Variants in SORCS1 observed in about 807,000 individuals in gnomAD.
SORCS1 encodes VPS10 domain-containing receptor SorCS1.
A neutral mutation model predicts 146.1 loss-of-function variants in SORCS1; 60 were observed. That is an observed-to-expected ratio of 0.41 (90% CI 0.33 to 0.51). The LOEUF (loss-of-function observed/expected upper bound fraction) is 0.51, where lower values mean the gene tolerates loss of function less well. SORCS1 is among the 20% of genes least tolerant of loss of function. SORCS1 has a pLI of 0.21. For missense variants in SORCS1, 1,352 were observed against 1,487.6 expected, an observed-to-expected ratio of 0.91 and a Z score of 1.50; for synonymous variants, 637 against 584.0, an observed-to-expected ratio of 1.09 and a Z score of -1.31.
At chr10:107,136,780 G>A (rs949718047) in intron 1 of SORCS1, among the ~76,000 whole-genome samples, 2 of 152,120 alleles carry the variant, frequency 1.3e-5, no homozygotes, top group African/African-American at 2.4e-5. Flanking sequence ...TCAAGCACAC[G>A]CTATGTGATC....
intron 1 of SORCS1, among the ~76,000 whole-genome samples, chr10:107,030,437 G>A (rs1174741157): frequency 3.3e-5 from 5 of 152,108 alleles, no homozygotes; most frequent in African/African-American, 9.7e-5. Context: ...ACTTCTCTAC[G>A]CTTTTGCCTG....
intron 18 of SORCS1, among the ~76,000 whole-genome samples, chr10:106,642,159 T>C (rs1163074949): frequency 1.3e-5 from 2 of 152,176 alleles, no homozygotes; most frequent in African/African-American, 4.8e-5. Flanking sequence ...AAAAGAGGCT[T>C]AGATCAGTCC....
intron 1 of SORCS1, among the ~76,000 whole-genome samples, chr10:107,065,461 TC>T (rs1425146425): frequency 3.4e-4 from 44 of 130,166 alleles, no homozygotes; most frequent in South Asian, 5.8e-4. Flanking sequence ...TCTCTCTTTC[TC>T]TCTCCCTCTC....
chr10:106,907,803 T>C (rs2138173198), intron 2 of SORCS1, among the ~76,000 whole-genome samples: 2 of 151,874 alleles, frequency 1.3e-5, no homozygotes, highest in East Asian at 3.9e-4. Flanking sequence ...GGTGCGCACC[T>C]ATAGTCCCAG....
At chr10:107,160,003 T>C (rs1393332007) in intron 1 of SORCS1, among the ~76,000 whole-genome samples, 1 of 152,178 alleles carries the variant, frequency 6.6e-6, no homozygotes, top group Non-Finnish European at 1.5e-5. Flanking sequence ...GCTCACTGAA[T>C]CACCAGGTGC....
intron 4 of SORCS1, among the ~76,000 whole-genome samples, chr10:106,764,423 C>A (rs1157068592): frequency 6.6e-6 from 1 of 152,196 alleles, no homozygotes; most frequent in Non-Finnish European, 1.5e-5. Flanking sequence ...CTGTCTCAGC[C>A]ACCAGCGGAA....
intron 1 of SORCS1, among the ~76,000 whole-genome samples, chr10:107,059,926 G>A (rs1423906935): frequency 6.6e-6 from 1 of 151,314 alleles, no homozygotes. Context: ...GAGAGTAGAC[G>A]TTCTACTAAA....
intron 1 of SORCS1, among the ~76,000 whole-genome samples, chr10:106,984,462 C>T (rs1003914247): frequency 4.1e-4 from 60 of 147,230 alleles, no homozygotes; most frequent in African/African-American, 1.4e-3. Flanking sequence ...GGTGCGATCT[C>T]GGCTCACTGC....
intron 1 of SORCS1, among the ~76,000 whole-genome samples, chr10:107,030,361 G>T (rs1190217953): frequency 1.3e-5 from 2 of 152,154 alleles, no homozygotes; most frequent in Non-Finnish European, 2.9e-5. Flanking sequence ...CTAAGTGACA[G>T]ATAAGAAAAT....
chr10:107,131,460 C>T (rs917056263), intron 1 of SORCS1, among the ~76,000 whole-genome samples: 5 of 152,174 alleles, frequency 3.3e-5, no homozygotes, highest in South Asian at 2.1e-4. Context: ...CAGTGGCTCA[C>T]GCCTTTAATC....
At position 107,024,847 on chromosome 10, in the gene SORCS1, C is replaced by T. The variant is rs535223478; in HGVS notation, c.559-68267G>A. On this transcript the variant is annotated intron_variant, in intron 1 of 25. Coordinates refer to ENST00000263054, the MANE Select transcript of SORCS1 (RefSeq NM_052918.5). ...TCCTTTAAAAAAAATGGCTGCAAAA[C>T]ATTTACTGCACCTAAAATATAGTAG... Among the ~76,000 whole-genome samples the T allele has an allele frequency of 2.0e-5, 3 of 152,174 alleles. No homozygotes were observed. The East Asian group carries it at 5.8e-4, about 29-fold the overall frequency.
intron 1 of SORCS1, among the ~76,000 whole-genome samples, chr10:107,058,948 G>A (rs913728899): frequency 2.0e-5 from 3 of 152,086 alleles, no homozygotes; most frequent in Admixed American, 6.6e-5. Context: ...GAAAACTAGG[G>A]ACATCACCAA....
At chr10:106,767,904 CA>C (rs1859702076) in intron 4 of SORCS1, among the ~76,000 whole-genome samples, 1 of 152,198 alleles carries the variant, frequency 6.6e-6, no homozygotes, top group Non-Finnish European at 1.5e-5. Context: ...TTAAATAGCA[CA>C]ATTGTGCCTG....
intron 7 of SORCS1, among the ~76,000 whole-genome samples, chr10:106,708,245 GGTGT>G (rs58427067): frequency 0.021 from 3,052 of 148,748 alleles, 123 homozygotes; most frequent in African/African-American, 0.069. Flanking sequence ...ATAAAGAAAT[GGTGT>G]GTGTGTGTGT....
intron 11 of SORCS1, 40 bp downstream of exon 11, chr10:106,679,592 C>A (rs1852288718): frequency 2.0e-6 from 3 of 1,494,846 alleles, no homozygotes; most frequent in East Asian, 4.6e-5. Context: ...TTAAAATAAA[C>A]ACTATTTACC....
intron 24 of SORCS1, among the ~76,000 whole-genome samples, chr10:106,594,885 C>T (rs2133298275): frequency 6.6e-6 from 1 of 152,306 alleles, no homozygotes; most frequent in South Asian, 2.1e-4. Context: ...CAGTCTGCTA[C>T]CTAAACAGGC....
intron 4 of SORCS1, among the ~76,000 whole-genome samples, chr10:106,770,798 T>C (rs980318808): frequency 2.0e-5 from 3 of 152,166 alleles, no homozygotes; most frequent in South Asian, 2.1e-4. Flanking sequence ...CCTCCCTCCT[T>C]CTAAATGAAC....
chr10:107,080,253 G>A (rs1444033875), intron 1 of SORCS1, among the ~76,000 whole-genome samples: 1 of 152,118 alleles, frequency 6.6e-6, no homozygotes, highest in Non-Finnish European at 1.5e-5. Context: ...TTTGCAGTGT[G>A]TAGTCTTCTC....
intron 18 of SORCS1, among the ~76,000 whole-genome samples, chr10:106,644,661 G>A (rs961785330): frequency 2.6e-5 from 4 of 151,976 alleles, no homozygotes; most frequent in African/African-American, 7.3e-5. Flanking sequence ...CACCACACCC[G>A]GCCACCATGA....
Sources: gnomAD v4.1 joint callset for allele counts (sites outside exome capture counted in the v4.1 genomes callset) on GRCh38, gnomAD v4.1.1 for gene constraint, MANE v1.5 for transcripts, NCBI Gene and HGNC (gene_info 2026-07-23, HGNC 2026-07-21) for gene names.